The following ASIC2 variants were observed in gnomAD, a reference collection of about 807,000 sequenced individuals.
ASIC2 encodes acid-sensing ion channel 2.
A neutral mutation model predicts 57.3 loss-of-function variants in ASIC2; 25 were observed. The ratio of observed to expected loss-of-function variants is 0.44; its 90% CI spans 0.32 to 0.61. The LOEUF is 0.61. Among genes scored for constraint, ASIC2 ranks in the 20% least tolerant of loss-of-function variants. The pLI is 0.06. For synonymous variants in ASIC2, 319 were observed against 307.5 expected, an observed-to-expected ratio of 1.04 and a Z score of -0.39; for missense variants, 641 against 738.1, an observed-to-expected ratio of 0.87 and a Z score of 1.52.
At chr17:33,611,565 G>A (rs1009664243) in intron 1 of ASIC2, among the ~76,000 whole-genome samples, 4 of 152,172 alleles carry the variant, frequency 2.6e-5, no homozygotes, top group African/African-American at 9.7e-5. Flanking sequence ...GGCTAGGCAG[G>A]GTCAATCCAG....
intron 1 of ASIC2, among the ~76,000 whole-genome samples, chr17:33,373,351 TCCTGGGCATAGGC>T (rs2141940489): frequency 6.6e-6 from 1 of 152,384 alleles, no homozygotes; most frequent in South Asian, 2.1e-4. Context: ...CCTTGGTCAT[TCCTGGGCATAGGC>T]CCATTCCTGG....
At chr17:33,482,866 C>T (rs1005572223) in intron 1 of ASIC2, among the ~76,000 whole-genome samples, 18 of 152,358 alleles carry the variant, frequency 1.2e-4, no homozygotes, top group South Asian at 1.0e-3. Flanking sequence ...TGTGATTGAA[C>T]AGATGGTGGA....
At chr17:33,444,187 A>C (rs899421444) in intron 1 of ASIC2, among the ~76,000 whole-genome samples, 1 of 152,200 alleles carries the variant, frequency 6.6e-6, no homozygotes, top group Non-Finnish European at 1.5e-5. Flanking sequence ...GTTTCAGAGA[A>C]AGGATTTATC....
chr17:33,087,646 C>T (rs2092140097), intron 3 of ASIC2, among the ~76,000 whole-genome samples: 1 of 138,450 alleles, frequency 7.2e-6, no homozygotes, highest in Non-Finnish European at 1.5e-5. Flanking sequence ...GGTGCAATCT[C>T]AGCTCAGTCA....
chr17:33,431,518 T>G (rs1911419213), intron 1 of ASIC2, among the ~76,000 whole-genome samples: 1 of 152,046 alleles, frequency 6.6e-6, no homozygotes, highest in African/African-American at 2.4e-5. Flanking sequence ...GGCACGAGAA[T>G]CACTTGAACC....
At chr17:33,027,804 A>G (rs2091865251) in intron 4 of ASIC2, among the ~76,000 whole-genome samples, 1 of 152,234 alleles carries the variant, frequency 6.6e-6, no homozygotes, top group Admixed American at 6.5e-5. Flanking sequence ...TTATGTGCAC[A>G]TTTATTTGCT....
intron 1 of ASIC2, among the ~76,000 whole-genome samples, chr17:33,613,213 A>G (rs1189722886): frequency 6.6e-6 from 1 of 152,206 alleles, no homozygotes; most frequent in Non-Finnish European, 1.5e-5. Context: ...AAAAAATAAC[A>G]GTAATATGTG....
intron 1 of ASIC2, among the ~76,000 whole-genome samples, chr17:33,285,543 C>G (rs1055252268): frequency 1.2e-4 from 18 of 152,192 alleles, no homozygotes; most frequent in African/African-American, 4.1e-4. Flanking sequence ...TGGCTCATGC[C>G]CTCATATTAA....
intron 1 of ASIC2, among the ~76,000 whole-genome samples, chr17:33,631,314 T>A (rs1472448541): frequency 7.1e-6 from 1 of 140,218 alleles, no homozygotes; most frequent in Non-Finnish European, 1.5e-5. Flanking sequence ...GGCATGCTGC[T>A]TTTAGTGATT....
chr17:33,584,160 C>T (rs775902828), intron 1 of ASIC2, among the ~76,000 whole-genome samples: 19 of 152,190 alleles, frequency 1.2e-4, no homozygotes, highest in Non-Finnish European at 2.8e-4. Context: ...GATAATAAAA[C>T]CCCCTCTACA....
intron 1 of ASIC2, among the ~76,000 whole-genome samples, chr17:33,773,407 C>G (rs1911174496): frequency 6.6e-6 from 1 of 152,146 alleles, no homozygotes; most frequent in Non-Finnish European, 1.5e-5. Context: ...AGAGAATTAG[C>G]TTGTTCTAGC....
At chr17:33,024,686 G>T (rs534333195) in intron 5 of ASIC2, among the ~76,000 whole-genome samples, 28 of 152,314 alleles carry the variant, frequency 1.8e-4, no homozygotes, top group Middle Eastern at 3.4e-3. Context: ...GCCTAGCCCA[G>T]TTTTAGCAAG....
In ASIC2 at chr17:33,028,396, C is replaced by T. The variant is rs3025242; in HGVS notation, c.988-4G>A. The T allele has an allele frequency of 3.2e-3, 5,230 of 1,614,000 alleles. 148 individuals are homozygous for T. The African/African-American group carries it at 0.061, about 19-fold the overall frequency. Reference sequence around the variant, plus strand: ...ACGGTGGGGGCAGGTATGTGAGCTGCAAGACAGGAAGGAGGGGGCGGCAGT... The same window carrying T: ...ACGGTGGGGGCAGGTATGTGAGCTGTAAGACAGGAAGGAGGGGGCGGCAGT... On this transcript the variant is annotated splice_polypyrimidine_tract_variant and splice_region_variant and intron_variant, in intron 3 of 9. Coordinates refer to ENST00000225823, the MANE Select transcript of ASIC2 (RefSeq NM_183377.2).
At chr17:34,008,560 G>C (rs1414205688) in intron 1 of ASIC2, among the ~76,000 whole-genome samples, 1 of 152,150 alleles carries the variant, frequency 6.6e-6, no homozygotes, top group Non-Finnish European at 1.5e-5. Flanking sequence ...GCTGAACCTG[G>C]GTTTGTCTGT....
At chr17:33,511,739 G>A (rs1421953430) in intron 1 of ASIC2, among the ~76,000 whole-genome samples, 1 of 152,270 alleles carries the variant, frequency 6.6e-6, no homozygotes, top group South Asian at 2.1e-4. Context: ...CATGGTCTTT[G>A]AAAAACCCAA....
chr17:33,121,701 C>G (rs1428692059), intron 1 of ASIC2, among the ~76,000 whole-genome samples: 1 of 152,088 alleles, frequency 6.6e-6, no homozygotes, highest in African/African-American at 2.4e-5. Context: ...TACTAAGAGG[C>G]GGGCAGAACT....
chr17:33,986,005 G>T (rs1023182473), intron 1 of ASIC2, among the ~76,000 whole-genome samples: 1 of 152,110 alleles, frequency 6.6e-6, no homozygotes, highest in Non-Finnish European at 1.5e-5. Context: ...AGATGAGACT[G>T]CTCTAACCAC....
At chr17:33,698,767 C>T (rs5019187) in intron 1 of ASIC2, among the ~76,000 whole-genome samples, 6 of 151,656 alleles carry the variant, frequency 4.0e-5, no homozygotes, top group Non-Finnish European at 7.4e-5. Context: ...CACGAGGCTG[C>T]GGTATGGTGA....
chr17:33,667,864 A>G (rs1415543639), intron 1 of ASIC2, among the ~76,000 whole-genome samples: 1 of 152,190 alleles, frequency 6.6e-6, no homozygotes, highest in East Asian at 1.9e-4. Flanking sequence ...TAGTCACTTT[A>G]TCTATAAGCA....
Sources: gnomAD v4.1 joint callset for allele counts (sites outside exome capture counted in the v4.1 genomes callset) on GRCh38, gnomAD v4.1.1 for gene constraint, MANE v1.5 for transcripts, NCBI Gene and HGNC (gene_info 2026-07-23, HGNC 2026-07-21) for gene names.